SMTNL2: variants seen among roughly 807,000 people sequenced by gnomAD.
The protein encoded by SMTNL2 is smoothelin-like protein 2.
A neutral mutation model predicts 44.1 loss-of-function variants in SMTNL2; 43 were observed. That is an observed-to-expected ratio of 0.98 (90% CI 0.76 to 1.26). The LOEUF (loss-of-function observed/expected upper bound fraction) is 1.26. Among genes scored for constraint, SMTNL2 ranks in the 50% most tolerant of loss-of-function variants. SMTNL2 has a pLI of 0.00. For synonymous variants in SMTNL2, 317 were observed against 287.6 expected (o/e 1.10, Z -1.03); for missense variants, 646 against 670.2 (o/e 0.96, Z 0.40).
At chr17:4,604,489 G>A (rs529842208) in intron 7 of SMTNL2, among the ~76,000 whole-genome samples, 12 of 152,322 alleles carry the variant, frequency 7.9e-5, no homozygotes, top group Non-Finnish European at 1.5e-4. Flanking sequence ...ACACAGCCGC[G>A]TGAGTCCTGG....
At chr17:4,601,351 A>T (rs1428561682) in intron 7 of SMTNL2, among the ~76,000 whole-genome samples, 1 of 151,750 alleles carries the variant, frequency 6.6e-6, no homozygotes, top group Non-Finnish European at 1.5e-5. Context: ...GATGGCAGAG[A>T]TTGCAGTGAA....
chr17:4,584,902 G>T lies in SMTNL2; in HGVS notation c.297G>T (p.Thr99=). ...GMSPVPGTPG[T]PSPPPAPGVP... ...CCCCGGTGCCCGGCACTCCCGGCACGCCCAGCCCCCCGCCCGCGCCCGGGG... is the reference window on the plus strand; with the variant it reads ...CCCCGGTGCCCGGCACTCCCGGCACTCCCAGCCCCCCGCCCGCGCCCGGGG... The change falls in exon 1 of 8, where the codon ACG becomes ACT. Residue 99 remains threonine (T), a synonymous_variant. Coordinates refer to ENST00000389313, the MANE Select transcript of SMTNL2 (RefSeq NM_001114974.2). The T allele has an allele frequency of 7.7e-7, 1 of 1,293,230 alleles. No homozygotes were observed. Among genetic ancestry groups the T allele is most frequent in the South Asian group, 2.3e-5 (1 of 43,142 alleles). The allele number at this position is 1,293,230 out of a possible 1,614,324, so 80.1% of individuals were successfully genotyped here. A position where few individuals can be genotyped will look rare whatever the true frequency, so the allele number is the denominator to read the frequency against.
chr17:4,604,198 C>T (rs958575439), intron 7 of SMTNL2, among the ~76,000 whole-genome samples: 2 of 152,172 alleles, frequency 1.3e-5, no homozygotes, highest in African/African-American at 4.8e-5. Flanking sequence ...TGCACGCCTG[C>T]TCGCATCAGA....
intron 1 of SMTNL2, among the ~76,000 whole-genome samples, chr17:4,585,476 T>G (rs973329435): frequency 6.6e-6 from 1 of 152,202 alleles, no homozygotes; most frequent in Non-Finnish European, 1.5e-5. Flanking sequence ...CTCAGGCCCC[T>G]GGATGGGTGG....
rs1167999777 is a variant in SMTNL2 at position 4,595,180 on chromosome 17, C to A, written c.842C>A (p.Ser281Tyr). The stretch of plus-strand genomic sequence containing the variant: ...GTGACACCACCCCAGTCGCCCGTGT[C>A]CCCGCAGCCGCCAGCCATAACTCAG... Reference protein sequence around the residue: ...PLVTPPQSPVSPQPPAITQVH... With the variant: ...PLVTPPQSPVYPQPPAITQVH... The change falls in exon 5 of 8, where the codon TCC becomes TAC. Residue 281 changes from serine to tyrosine, a missense_variant. Ser to Tyr is a moderately radical substitution (Grantham distance 144). Coordinates refer to ENST00000389313, the MANE Select transcript of SMTNL2 (RefSeq NM_001114974.2). This position sits in a 1 kb window ranked among gnomAD's most constrained non-coding sequence, Gnocchi z 5.1. 6.2e-7 allele frequency: 1 copy of A among 1,613,206 alleles called. No individual in the cohort carries two copies. The highest frequency in any genetic ancestry group is 1.1e-5 in the South Asian group (1 of 91,084).
intron 4 of SMTNL2, 175 bp from the exon 5 acceptor site, chr17:4,594,970 A>T: frequency 2.4e-6 from 2 of 819,608 alleles, no homozygotes; most frequent in Non-Finnish European, 3.8e-6. Context: ...TCCAGCCAGC[A>T]CAATTCAGAA....
chr17:4,585,197 C>T (rs919025280), intron 1 of SMTNL2, among the ~76,000 whole-genome samples, 193 bp downstream of exon 1: 2 of 152,258 alleles, frequency 1.3e-5, no homozygotes, highest in Non-Finnish European at 2.9e-5. Context: ...GCTGAGCCTG[C>T]CAGCTGCACC....
chr17:4,584,728 C>G lies in SMTNL2; in HGVS notation c.123C>G (p.Gly41=). ...AGGACATGCGGGGGCTGCAGCGCGG[C>G]GTGGAGCGGCGAGTGGCAGAGGCGA... ...LHEDMRGLQR[G]VERRVAEAMR... is the part of the protein sequence containing the mutation. Residue 41 remains glycine (G), a synonymous_variant, in exon 1 of 8, where the codon GGC becomes GGG. Coordinates refer to ENST00000389313, the MANE Select transcript of SMTNL2 (RefSeq NM_001114974.2). 1 of 1,305,180 alleles carries G rather than the reference C, an allele frequency of 7.7e-7. No homozygotes were observed. Among genetic ancestry groups the G allele is most frequent in the Middle Eastern group, 2.9e-4 (1 of 3,438 alleles). 80.8% of individuals were successfully genotyped at this position (1,305,180 alleles called of 1,614,324 possible).
rs1431665896 is a variant in SMTNL2 at position 4,584,824 on chromosome 17, G to A, written c.219G>A (p.Gln73=). 5.0e-5 allele frequency: 66 copies of A among 1,327,188 alleles called. No individual in the cohort carries two copies. Among genetic ancestry groups the A allele is most frequent in the Non-Finnish European group, 6.0e-5 (62 of 1,039,950 alleles). The allele number at this position is 1,327,188 out of a possible 1,614,324, so 82.2% of individuals were successfully genotyped here. A position where few individuals can be genotyped will look rare whatever the true frequency, so the allele number is the denominator to read the frequency against. The stretch of plus-strand genomic sequence containing the variant: ...GGGACAACCAGCGGCTGCAGGCGCA[G>A]CTCGAGCGCCTGACGCGCCAGGTGG... ...LQRDNQRLQA[Q]LERLTRQVEA... is the part of the protein sequence containing the mutation. The change falls in exon 1 of 8, where the codon CAG becomes CAA. Residue 73 remains glutamine, a synonymous_variant. Transcript: ENST00000389313.
At position 4,584,935 on chromosome 17, in the gene SMTNL2, C is replaced by T. The variant is rs1406232305; in HGVS notation, c.330C>T (p.Asp110=). The T allele has an allele frequency of 1.5e-6, 2 of 1,324,582 alleles. No homozygotes were observed. Among genetic ancestry groups the T allele is most frequent in the Non-Finnish European group, 1.9e-6 (2 of 1,042,284 alleles). The allele number at this position is 1,324,582 out of a possible 1,614,324, so 82.1% of individuals were successfully genotyped here. A position where few individuals can be genotyped will look rare whatever the true frequency, so the allele number is the denominator to read the frequency against. ...CCCCGCCCGCGCCCGGGGTTCCCGA[C>T]CGCGCGCCCCGCCTGGGCAGCGCAC... is the stretch of plus-strand genomic sequence containing the variant. ...PSPPPAPGVP[D]RAPRLGSARF... Residue 110 remains aspartate (D), a synonymous_variant, in exon 1 of 8, where the codon GAC becomes GAT. Transcript: ENST00000389313.
At chr17:4,601,775 C>G (rs527877408) in intron 7 of SMTNL2, among the ~76,000 whole-genome samples, 1 of 152,144 alleles carries the variant, frequency 6.6e-6, no homozygotes, top group South Asian at 2.1e-4. Flanking sequence ...CCGTCTCAGC[C>G]TCCCAAAGTG....
rs900651733 is a variant in SMTNL2 at position 4,598,932 on chromosome 17, GGCCCCGGCCCCA to G, written c.1259+1620_1259+1631del. 2.0e-5 allele frequency among the ~76,000 whole-genome samples: 3 copies of G among 152,110 alleles called. No homozygotes were observed. Among genetic ancestry groups the G allele is most frequent in the African/African-American group, 4.8e-5 (2 of 41,432 alleles). On this transcript the variant is annotated intron_variant, in intron 7 of 7. Transcript: ENST00000389313. This position sits in a 1 kb window ranked among gnomAD's most constrained non-coding sequence, Gnocchi z 4.8. Reference sequence around the variant, plus strand: ...TTCCCAGCCCAACCACCAACCACCTGGCCCCGGCCCCAGCCCCGGCCCTGGCCCACCACCCCG... The same window carrying G: ...TTCCCAGCCCAACCACCAACCACCTGGCCCCGGCCCTGGCCCACCACCCCG...
Position 4,595,322 on chromosome 17 carries a change from C to T in SMTNL2, c.984C>T (p.Ala328=), listed in dbSNP as rs569009545. The T allele has an allele frequency of 3.8e-5, 62 of 1,611,938 alleles. No homozygotes were observed. Among genetic ancestry groups the T allele is most frequent in the African/African-American group, 2.8e-4 (21 of 75,052 alleles). ...LFEKWEQETA[A]GKGKGEARAR... ...AGAAGTGGGAGCAGGAAACGGCGGC[C>T]GGCAAGTACGGATGCCCACTCACAG... The change falls in exon 5 of 8, where the codon GCC becomes GCT. Residue 328 remains alanine, a synonymous_variant. Transcript: ENST00000389313. The surrounding 1 kb of genome is among the most constrained non-coding windows in gnomAD (Gnocchi z 5.1).
rs1379484009 is a variant in SMTNL2, at chr17:4,584,858, G to C, written c.253G>C (p.Gly85Arg). 3 of 1,318,346 alleles carry C rather than the reference G, an allele frequency of 2.3e-6. No homozygotes were observed. Among genetic ancestry groups the C allele is most frequent in the Non-Finnish European group, 2.9e-6 (3 of 1,036,008 alleles). 81.7% of individuals were successfully genotyped at this position (1,318,346 alleles called of 1,614,324 possible). A position where few individuals can be genotyped will look rare whatever the true frequency, so the allele number is the denominator to read the frequency against. Reference sequence around the variant, plus strand: ...CCTGACGCGCCAGGTGGAGGCGCTGGGCTTGGCCAGCGGGATGTCCCCGGT... The same window carrying C: ...CCTGACGCGCCAGGTGGAGGCGCTGCGCTTGGCCAGCGGGATGTCCCCGGT... ...ERLTRQVEAL[G>R]LASGMSPVPG... Residue 85 changes from glycine (G) to arginine (R), a missense_variant, in exon 1 of 8, where the codon GGC becomes CGC. Physicochemically the swap from Gly to Arg is moderately radical, Grantham distance 125 (BLOSUM62 -2). Coordinates refer to ENST00000389313, the MANE Select transcript of SMTNL2 (RefSeq NM_001114974.2).
At chr17:4,589,412 G>C (rs1272635848) in intron 1 of SMTNL2, among the ~76,000 whole-genome samples, 1 of 152,108 alleles carries the variant, frequency 6.6e-6, no homozygotes, top group African/African-American at 2.4e-5. Context: ...CAGCTGGACT[G>C]GCTGGTTCTC....
intron 7 of SMTNL2, among the ~76,000 whole-genome samples, chr17:4,604,791 T>C (rs1274435875): frequency 2.0e-5 from 3 of 151,910 alleles, no homozygotes; most frequent in African/African-American, 7.2e-5. Flanking sequence ...CCAGCCTCAG[T>C]CTCCCAAGTA....
chr17:4,584,961 G>C lies in SMTNL2; in HGVS notation c.356G>C (p.Arg119Pro). ...PDRAPRLGSARFASHATFSLS... is the reference protein window; with the variant it reads ...PDRAPRLGSAPFASHATFSLS... Reference sequence around the variant, plus strand: ...CGCGCGCCCCGCCTGGGCAGCGCACGCTTCGCCAGCCACGCCACCTTCTCG... The same window carrying C: ...CGCGCGCCCCGCCTGGGCAGCGCACCCTTCGCCAGCCACGCCACCTTCTCG... The change falls in exon 1 of 8, where the codon CGC becomes CCC. Residue 119 changes from arginine (R) to proline (P), a missense_variant. Coordinates refer to ENST00000389313, the MANE Select transcript of SMTNL2 (RefSeq NM_001114974.2). The C allele has an allele frequency of 1.5e-6, 2 of 1,370,784 alleles. No individual in the cohort carries two copies. Among genetic ancestry groups the C allele is most frequent in the South Asian group, 3.3e-5 (2 of 60,622 alleles). 84.9% of individuals were successfully genotyped at this position (1,370,784 alleles called of 1,614,324 possible).
chr17:4,594,318 G>A (rs1356044169), intron 4 of SMTNL2, among the ~76,000 whole-genome samples: 1 of 152,044 alleles, frequency 6.6e-6, no homozygotes, highest in Non-Finnish European at 1.5e-5. Flanking sequence ...GCATGGTGGT[G>A]GGTGCCTGTA....
Position 4,592,780 on chromosome 17 carries a change from AG to A in SMTNL2, c.488-145del. ...GTTGGAGCAGTAAGATATCCCTGGT[AG>A]GGGAGGTCAGAGAGGCTGGAGCAGT... is the stretch of plus-strand genomic sequence containing the variant. On this transcript the variant is annotated intron_variant, in intron 2 of 7. Coordinates refer to ENST00000389313, the MANE Select transcript of SMTNL2 (RefSeq NM_001114974.2). The surrounding 1 kb of genome is among the most constrained non-coding windows in gnomAD (Gnocchi z 4.5). The A allele has an allele frequency of 9.4e-7, 1 of 1,058,550 alleles. No individual in the cohort carries two copies. Among genetic ancestry groups the A allele is most frequent in the Non-Finnish European group, 1.3e-6 (1 of 743,362 alleles). 65.6% of individuals were successfully genotyped at this position (1,058,550 alleles called of 1,614,324 possible). A position where few individuals can be genotyped will look rare whatever the true frequency, so the allele number is the denominator to read the frequency against.
Sources: gnomAD v4.1 joint callset for allele counts (sites outside exome capture counted in the v4.1 genomes callset) on GRCh38, gnomAD v4.1.1 for gene constraint, Gnocchi (gnomAD v3.1) non-coding constraint, MANE v1.5 for transcripts, NCBI Gene and HGNC (gene_info 2026-07-23, HGNC 2026-07-21) for gene names.